RBM4: variants seen among roughly 807,000 people sequenced by gnomAD.
RBM4 encodes RNA-binding protein 4.
In RBM4, 7 loss-of-function variants were observed where a neutral mutation model predicts 29.5. The observed-to-expected ratio is 0.24, with a 90% CI of 0.14 to 0.45. The LOEUF (loss-of-function observed/expected upper bound fraction) is 0.45. Ranked by LOEUF, RBM4 falls within the 20% of genes least tolerant of loss-of-function variation. RBM4 has a pLI of 1.00. For synonymous variants in RBM4, 220 were observed against 205.4 expected, an observed-to-expected ratio of 1.07 and a Z score of -0.61; for missense variants, 387 against 502.3, an observed-to-expected ratio of 0.77 and a Z score of 2.19.
intron 3 of RBM4, among the ~76,000 whole-genome samples, chr11:66,645,336 A>G (rs927027079): frequency 6.6e-6 from 1 of 152,198 alleles, no homozygotes; most frequent in Non-Finnish European, 1.5e-5. Flanking sequence ...ACACATTACC[A>G]TTGATCCTTA....
chr11:66,657,233 A>G lies in RBM4; in HGVS notation c.413-8623A>G, dbSNP rs578143587. On this transcript the variant is annotated intron_variant, in intron 2 of 2. Coordinates refer to the RBM4 transcript ENST00000396053. ...GAGCTGAAGCGGTCTTCCCATCTCAACCTTCCAAGTAGCTGGAACTACAGA... is the reference window on the plus strand; with the variant it reads ...GAGCTGAAGCGGTCTTCCCATCTCAGCCTTCCAAGTAGCTGGAACTACAGA... Among the ~76,000 whole-genome samples, 78 of 149,954 alleles carry G rather than the reference A, an allele frequency of 5.2e-4. 2 individuals are homozygous for G. Among genetic ancestry groups the G allele is most frequent in the African/African-American group, 1.8e-3 (75 of 40,682 alleles).
intron 2 of RBM4, among the ~76,000 whole-genome samples, chr11:66,659,263 C>CTTTTTTTTTTTTT (rs767959263): frequency 1.5e-5 from 1 of 67,308 alleles, no homozygotes; most frequent in African/African-American, 5.9e-5. Flanking sequence ...CTTCTTGGTT[C>CTTTTTTTTTTTTT]TTTTTTTTTT....
intron 2 of RBM4, among the ~76,000 whole-genome samples, chr11:66,658,362 T>TTTC (rs71045957): frequency 4.5e-5 from 6 of 133,336 alleles, no homozygotes; most frequent in Admixed American, 8.1e-5. Flanking sequence ...TTTTTTTTTT[T>TTTC]CGTTTTGTTT....
downstream of RBM4, chr11:66,649,686 G>A (rs1418274700): frequency 1.4e-6 from 1 of 697,270 alleles, no homozygotes. Flanking sequence ...AGGTTATGCT[G>A]CCACTCCTTA....
downstream of RBM4, among the ~76,000 whole-genome samples, chr11:66,651,138 A>G (rs944762542): frequency 2.0e-5 from 3 of 152,152 alleles, no homozygotes; most frequent in Admixed American, 2.0e-4. Context: ...GGGATGGAGT[A>G]GTGAGAGTGA....
chr11:66,648,304 T>A (rs2135075808), downstream of RBM4, among the ~76,000 whole-genome samples: 1 of 152,144 alleles, frequency 6.6e-6, no homozygotes, highest in Non-Finnish European at 1.5e-5. Flanking sequence ...GCAGGTTGTT[T>A]GAGCTCAGGA....
chr11:66,664,100 T>TG (rs1440659146), intron 2 of RBM4, among the ~76,000 whole-genome samples: 1 of 151,294 alleles, frequency 6.6e-6, no homozygotes, highest in Non-Finnish European at 1.5e-5. Flanking sequence ...CTCAACCTCC[T>TG]GGGCTCAAGA....
chr11:66,649,891 T>G (rs1938788771), downstream of RBM4: 1 of 572,364 alleles, frequency 1.7e-6, no homozygotes, highest in Non-Finnish European at 3.1e-6. Flanking sequence ...AATGTAGTTT[T>G]TCAAGAGTAA....
At chr11:66,647,139 A>G (rs2135073873), downstream of RBM4, among the ~76,000 whole-genome samples, 1 of 152,320 alleles carries the variant, frequency 6.6e-6, no homozygotes, top group Admixed American at 6.5e-5. Context: ...TTCTTGAAAC[A>G]GTTATTTGTC....
At chr11:66,652,766 A>T (rs1453553687) in intron 2 of RBM4, among the ~76,000 whole-genome samples, 1 of 152,152 alleles carries the variant, frequency 6.6e-6, no homozygotes, top group Non-Finnish European at 1.5e-5. Context: ...GCTACTACAG[A>T]GGCTGAGGTG....
chr11:66,638,878 T>G (rs1453405716), intron 1 of RBM4, 126 bp downstream of exon 1: 1 of 152,454 alleles, frequency 6.6e-6, no homozygotes, highest in Non-Finnish European at 1.5e-5. Flanking sequence ...CCGACCTCGG[T>G]CCTCGGCATT....
chr11:66,639,338 C>T (rs1193926479), intron 1 of RBM4: 1 of 208,554 alleles, frequency 4.8e-6, no homozygotes, highest in Non-Finnish European at 9.6e-6. Context: ...GGCAGGCAGT[C>T]AGCAAGCCTA....
At chr11:66,650,022 G>A (rs963141556), downstream of RBM4, 4 of 501,948 alleles carry the variant, frequency 8.0e-6, no homozygotes, top group African/African-American at 7.9e-5. Flanking sequence ...AGGTTACCAT[G>A]TGGCGAATAC....
chr11:66,648,547 G>C (rs1938757954), downstream of RBM4, among the ~76,000 whole-genome samples: 1 of 151,080 alleles, frequency 6.6e-6, no homozygotes, highest in Non-Finnish European at 1.5e-5. Context: ...AGGCGCGGTG[G>C]CTCACACCTG....
chr11:66,667,453 GA>G (rs1939278025), exon 3 of RBM4: 1 of 152,124 alleles, frequency 6.6e-6, no homozygotes, highest in Non-Finnish European at 1.5e-5. Flanking sequence ...ATTGCTGGAA[GA>G]AACAGGAAGC....
chr11:66,642,473 T>C (rs1053998068), intron 2 of RBM4, among the ~76,000 whole-genome samples: 12 of 152,260 alleles, frequency 7.9e-5, no homozygotes, highest in Non-Finnish European at 4.4e-5. Flanking sequence ...TTTCTGCTTT[T>C]ATTACATTTT....
chr11:66,640,353 A>T, intron 2 of RBM4: 1 of 627,212 alleles, frequency 1.6e-6, no homozygotes, highest in Non-Finnish European at 2.8e-6. Context: ...TGGAGCCCCT[A>T]CGGCTTTTGT....
At position 66,646,229 on chromosome 11, in the gene RBM4, TC is replaced by T. The variant is rs1026627499; in HGVS notation, c.*212del. On this transcript the variant is annotated 3_prime_UTR_variant, in exon 4 of 4. Transcript: ENST00000310092. ...GCCCATTTTCCTGTTCTTCTGTCCT[TC>T]AATACTTCTGTAGCTTCCCATTCAT... 14 of 1,442,354 alleles carry T rather than the reference TC, an allele frequency of 9.7e-6. No individual in the cohort carries two copies. In the African/African-American group the frequency reaches 2.0e-4, roughly 21 times the overall value. 89.3% of individuals were successfully genotyped at this position (1,442,354 alleles called of 1,614,324 possible). A position where few individuals can be genotyped will look rare whatever the true frequency, so the allele number is the denominator to read the frequency against.
intron 2 of RBM4, chr11:66,640,371 A>G: frequency 3.3e-6 from 2 of 600,104 alleles, no homozygotes; most frequent in Admixed American, 3.1e-5. Context: ...TGTGCTTATC[A>G]GTGCAGAAAC....
Sources: gnomAD v4.1 joint callset for allele counts (sites outside exome capture counted in the v4.1 genomes callset) on GRCh38, gnomAD v4.1.1 for gene constraint, MANE v1.5 for transcripts, NCBI Gene and HGNC (gene_info 2026-07-23, HGNC 2026-07-21) for gene names.